TBX1: variants seen among roughly 807,000 people sequenced by gnomAD.
TBX1 encodes the protein T-box transcription factor TBX1.
TBX1 carries 16 observed loss-of-function variants against 40.8 expected under a neutral mutation model. The observed-to-expected ratio is 0.39, with a 90% CI of 0.27 to 0.60. The LOEUF is 0.60. TBX1 is among the 20% of genes least tolerant of loss of function. TBX1 has a pLI of 0.51. For synonymous variants in TBX1, 403 were observed against 336.8 expected, an observed-to-expected ratio of 1.20 and a Z score of -2.15; for missense variants, 755 against 728.5, an observed-to-expected ratio of 1.04 and a Z score of -0.42.
chr22:19,771,067 C>T (rs998021499), downstream of TBX1, among the ~76,000 whole-genome samples: 3 of 152,184 alleles, frequency 2.0e-5, no homozygotes, highest in African/African-American at 7.2e-5. Flanking sequence ...ATTCCTGCTT[C>T]TCTCCTCCCT....
At chr22:19,773,752 TC>T (rs1355437857) in intron 8 of TBX1, among the ~76,000 whole-genome samples, 1 of 152,188 alleles carries the variant, frequency 6.6e-6, no homozygotes, top group Non-Finnish European at 1.5e-5. Flanking sequence ...CCTGATGCGG[TC>T]ACTGCCAGGA....
At chr22:19,777,758 AT>A (rs55676186) in intron 8 of TBX1, among the ~76,000 whole-genome samples, 10,062 of 129,630 alleles carry the variant, frequency 0.078, 358 homozygotes, top group Non-Finnish European at 0.1. Flanking sequence ...GTTACTCTTA[AT>A]TTTTTTTTTT....
chr22:19,757,012 C>T (rs1036613335), upstream of TBX1, among the ~76,000 whole-genome samples: 34 of 152,242 alleles, frequency 2.2e-4, no homozygotes, highest in African/African-American at 8.2e-4. Context: ...GTGGAGGCGG[C>T]GGCTCCGGCT....
chr22:19,776,850 G>A (rs942363253), intron 8 of TBX1, among the ~76,000 whole-genome samples: 1 of 152,138 alleles, frequency 6.6e-6, no homozygotes, highest in African/African-American at 2.4e-5. Context: ...CGGAGGGAAG[G>A]AAGCAGGCTC....
chr22:19,769,390 G>T (rs1936950363), downstream of TBX1, among the ~76,000 whole-genome samples: 1 of 152,234 alleles, frequency 6.6e-6, no homozygotes, highest in African/African-American at 2.4e-5. Flanking sequence ...CCCACGCTGG[G>T]CAGTGGCCCC....
chr22:19,757,594 CCT>C (rs765400439), upstream of TBX1, among the ~76,000 whole-genome samples: 68 of 152,310 alleles, frequency 4.5e-4, no homozygotes, highest in Admixed American at 1.6e-3. Flanking sequence ...CTGGCCCAGG[CCT>C]CTCTGGGTGC....
At chr22:19,764,804 CCCAGTGACCCAGCCTCATCTTGG>C (rs1936778750) in intron 3 of TBX1, among the ~76,000 whole-genome samples, 131 bp from the exon 4 acceptor site, 1 of 152,184 alleles carries the variant, frequency 6.6e-6, no homozygotes, top group African/African-American at 2.4e-5. Flanking sequence ...CTCCTCTTGG[CCCAGTGACCCAGCCTCATCTTGG>C]AATTAAGGGT....
At chr22:19,783,391 A>C, downstream of TBX1, 1 of 338,160 alleles carries the variant, frequency 3.0e-6, no homozygotes, top group Admixed American at 4.0e-5. Context: ...TTCCCAGGCC[A>C]CCTGCACAGC....
downstream of TBX1, among the ~76,000 whole-genome samples, chr22:19,780,382 G>C (rs912531005): frequency 2.0e-5 from 3 of 152,190 alleles, no homozygotes; most frequent in Non-Finnish European, 2.9e-5. Context: ...GTCTTTTTGT[G>C]GCTGGCTTAG....
downstream of TBX1, chr22:19,779,637 G>GTTTAGATT: frequency 2.0e-6 from 2 of 1,022,342 alleles, no homozygotes; most frequent in Non-Finnish European, 2.7e-6. Flanking sequence ...AACATTGACT[G>GTTTAGATT]TAAACTCATT....
downstream of TBX1, among the ~76,000 whole-genome samples, chr22:19,781,345 T>C (rs1937140817): frequency 6.6e-6 from 1 of 152,190 alleles, no homozygotes; most frequent in South Asian, 2.1e-4. Flanking sequence ...GCCTCTTGAA[T>C]AACTGGGTAC....
chr22:19,772,618 C>T (rs1160321276), intron 8 of TBX1, among the ~76,000 whole-genome samples: 1 of 152,168 alleles, frequency 6.6e-6, no homozygotes, highest in Non-Finnish European at 1.5e-5. Context: ...GCCCAGCCCT[C>T]TTCTCAAATA....
upstream of TBX1, among the ~76,000 whole-genome samples, chr22:19,758,796 C>T (rs563057690): frequency 6.6e-6 from 1 of 152,310 alleles, no homozygotes; most frequent in African/African-American, 2.4e-5. Context: ...CGCTCGGGCT[C>T]GCGGGCTGCG....
intron 3 of TBX1, among the ~76,000 whole-genome samples, chr22:19,764,703 G>A (rs146321834): frequency 1.8e-4 from 27 of 152,368 alleles, no homozygotes; most frequent in African/African-American, 5.8e-4. Flanking sequence ...GGCCAGTGAG[G>A]TCGCTGGGCA....
chr22:19,761,413 G>A, intron 1 of TBX1, 133 bp downstream of exon 1: 1 of 1,237,842 alleles, frequency 8.1e-7, no homozygotes, highest in Non-Finnish European at 1.0e-6. Context: ...GGGCCCCTCT[G>A]GGCCCCGCTG....
chr22:19,756,930 G>C (rs1028245202), upstream of TBX1, among the ~76,000 whole-genome samples: 3 of 150,384 alleles, frequency 2.0e-5, no homozygotes, highest in African/African-American at 7.3e-5. Flanking sequence ...CGGGGCGGCG[G>C]AGCGCGGCGG....
At chr22:19,768,693 A>C (rs1936932821), downstream of TBX1, among the ~76,000 whole-genome samples, 1 of 152,126 alleles carries the variant, frequency 6.6e-6, no homozygotes, top group African/African-American at 2.4e-5. Context: ...CGTACTCCAC[A>C]TCCAGGATGT....
chr22:19,763,736 C>T (rs1936742175), intron 2 of TBX1: 2 of 401,904 alleles, frequency 5.0e-6, no homozygotes, highest in Middle Eastern at 7.3e-4. Flanking sequence ...GTGGGGTGGC[C>T]AGGAGAGATT....
chr22:19,783,236 G>T, downstream of TBX1: 1 of 573,556 alleles, frequency 1.7e-6, no homozygotes, highest in Admixed American at 2.9e-5. Context: ...GTTTGAGGTG[G>T]TTTATTAATG....
Sources: allele counts gnomAD v4.1 joint callset (sites outside exome capture counted in the v4.1 genomes callset), GRCh38; gene constraint gnomAD v4.1.1; transcripts MANE v1.5; gene names NCBI Gene and HGNC (gene_info 2026-07-23, HGNC 2026-07-21).